R3HCC1L: variants seen among roughly 807,000 people sequenced by gnomAD.
The protein encoded by R3HCC1L is R3H domain and coiled-coil containing 1 like.
A neutral mutation model predicts 59.9 loss-of-function variants in R3HCC1L; 51 were observed. The ratio of observed to expected loss-of-function variants is 0.85; its 90% CI spans 0.68 to 1.07. The LOEUF (loss-of-function observed/expected upper bound fraction) is 1.07. R3HCC1L is among the 50% of genes least tolerant of loss of function. The pLI, the probability that R3HCC1L is intolerant of heterozygous loss-of-function variation, is 0.00. For synonymous variants in R3HCC1L, 322 were observed against 315.2 expected, an observed-to-expected ratio of 1.02 and a Z score of -0.23; for missense variants, 965 against 933.0, an observed-to-expected ratio of 1.03 and a Z score of -0.45.
At chr10:98,212,353 G>A (rs950449726) in intron 5 of R3HCC1L, among the ~76,000 whole-genome samples, 2 of 152,152 alleles carry the variant, frequency 1.3e-5, no homozygotes, top group East Asian at 3.8e-4. Flanking sequence ...CCTGTTTCTT[G>A]ATTGATAGCA....
chr10:98,237,188 G>A (rs1857057591), intron 9 of R3HCC1L, among the ~76,000 whole-genome samples: 1 of 152,186 alleles, frequency 6.6e-6, no homozygotes. Flanking sequence ...TAATGAGGCA[G>A]TTTCCATGTT....
At position 98,150,213 on chromosome 10, in the gene R3HCC1L, G is replaced by C. The variant is rs191860545; in HGVS notation, c.-267-5880G>C. Among the ~76,000 whole-genome samples the C allele has an allele frequency of 1.4e-4, 21 of 152,174 alleles. No homozygotes were observed. In the East Asian group the frequency reaches 4.1e-3, roughly 29 times the overall value. On this transcript the variant is annotated intron_variant, in intron 1 of 9. Coordinates refer to ENST00000298999, the MANE Select transcript of R3HCC1L (RefSeq NM_001351015.2). ...TGAATTGCTTTTCTGTGTTATCTTG[G>C]TGATCACTGAATTCACTTAAAATGG...
chr10:98,167,261 T>A (rs532274248), intron 4 of R3HCC1L, among the ~76,000 whole-genome samples: 2 of 152,346 alleles, frequency 1.3e-5, no homozygotes, highest in Admixed American at 1.3e-4. Context: ...TTATTTGTTA[T>A]TCTTGGAACT....
At chr10:98,217,973 A>G (rs1854413157) in intron 5 of R3HCC1L, among the ~76,000 whole-genome samples, 2 of 151,712 alleles carry the variant, frequency 1.3e-5, no homozygotes, top group African/African-American at 4.8e-5. Context: ...ATACAGTTTG[A>G]CTTCCTCTTT....
At chr10:98,202,787 C>T (rs1011166014) in intron 4 of R3HCC1L, among the ~76,000 whole-genome samples, 3 of 150,828 alleles carry the variant, frequency 2.0e-5, no homozygotes, top group South Asian at 2.1e-4. Context: ...ACCTGCGAGG[C>T]GGAGGTTACA....
At chr10:98,215,955 A>G (rs1483628205) in intron 5 of R3HCC1L, among the ~76,000 whole-genome samples, 2 of 152,240 alleles carry the variant, frequency 1.3e-5, no homozygotes, top group South Asian at 4.1e-4. Flanking sequence ...TTGAAGCTGG[A>G]TCTTGGGAGA....
At chr10:98,187,141 C>T (rs899544096) in intron 4 of R3HCC1L, among the ~76,000 whole-genome samples, 2 of 152,066 alleles carry the variant, frequency 1.3e-5, no homozygotes, top group Non-Finnish European at 2.9e-5. Flanking sequence ...TTTGTTAAAT[C>T]CAACATACTA....
At chr10:98,183,291 A>G (rs1008646125) in intron 4 of R3HCC1L, among the ~76,000 whole-genome samples, 1 of 149,704 alleles carries the variant, frequency 6.7e-6, no homozygotes. Flanking sequence ...CTGACTTTCA[A>G]AATTTCTGAA....
At chr10:98,173,915 G>A (rs560578938) in intron 4 of R3HCC1L, among the ~76,000 whole-genome samples, 1 of 152,290 alleles carries the variant, frequency 6.6e-6, no homozygotes, top group South Asian at 2.1e-4. Context: ...TTTACATGGG[G>A]CAGAGAAGTG....
At chr10:98,220,873 T>C (rs1347038413) in intron 5 of R3HCC1L, among the ~76,000 whole-genome samples, 6 of 146,782 alleles carry the variant, frequency 4.1e-5, no homozygotes, top group African/African-American at 1.5e-4. Context: ...GCATGATTTA[T>C]AGTCCTTTGG....
At chr10:98,196,207 A>G (rs146018794) in intron 4 of R3HCC1L, among the ~76,000 whole-genome samples, 1 of 152,240 alleles carries the variant, frequency 6.6e-6, no homozygotes, top group Non-Finnish European at 1.5e-5. Flanking sequence ...TTATTTATCT[A>G]TGCCTTTATT....
intron 1 of R3HCC1L, among the ~76,000 whole-genome samples, chr10:98,143,538 G>T (rs75950859): frequency 1.3e-5 from 2 of 152,060 alleles, no homozygotes; most frequent in African/African-American, 4.8e-5. Context: ...CATGTTTCTT[G>T]TTTGCTTCCT....
At chr10:98,180,050 A>G (rs1023771460) in intron 4 of R3HCC1L, among the ~76,000 whole-genome samples, 4 of 151,896 alleles carry the variant, frequency 2.6e-5, no homozygotes, top group East Asian at 1.9e-4. Context: ...TTGTGTCTCT[A>G]TTTCCTTCAG....
rs1454921302 is a variant in R3HCC1L, at chr10:98,217,905, G to A, written c.1785+8006G>A. 2.6e-5 allele frequency among the ~76,000 whole-genome samples: 4 copies of A among 151,770 alleles called. No homozygotes were observed. The South Asian group carries it at 6.2e-4, about 24-fold the overall frequency. On this transcript the variant is annotated intron_variant, in intron 5 of 9. Transcript: ENST00000298999. ...TTTACTGAATTTCTTTATCAGTTCTGAGAGTTTTTTGGTGGAGTCATTAGA... is the reference window on the plus strand; with the variant it reads ...TTTACTGAATTTCTTTATCAGTTCTAAGAGTTTTTTGGTGGAGTCATTAGA...
At chr10:98,187,229 A>G (rs1850308816) in intron 4 of R3HCC1L, among the ~76,000 whole-genome samples, 1 of 151,598 alleles carries the variant, frequency 6.6e-6, no homozygotes, top group African/African-American at 2.4e-5. Flanking sequence ...GAATATTTGC[A>G]TTATATTTAA....
intron 5 of R3HCC1L, among the ~76,000 whole-genome samples, chr10:98,225,341 A>G (rs1855550677): frequency 6.6e-6 from 1 of 152,000 alleles, no homozygotes; most frequent in Non-Finnish European, 1.5e-5. Flanking sequence ...TCTTCATCCC[A>G]TGTTATCCTC....
intron 5 of R3HCC1L, among the ~76,000 whole-genome samples, chr10:98,214,325 T>C (rs7906993): frequency 0.18 from 27,966 of 152,092 alleles, 2,713 homozygotes; most frequent in Middle Eastern, 0.21. Flanking sequence ...GTGAATTCCA[T>C]GAGATATGGC....
chr10:98,178,890 T>G (rs1849332110), intron 4 of R3HCC1L, among the ~76,000 whole-genome samples: 1 of 152,212 alleles, frequency 6.6e-6, no homozygotes, highest in Non-Finnish European at 1.5e-5. Flanking sequence ...GTAGGAATGC[T>G]TGTGATTTTT....
At chr10:98,147,739 G>C (rs1237976943) in intron 1 of R3HCC1L, among the ~76,000 whole-genome samples, 1 of 151,982 alleles carries the variant, frequency 6.6e-6, no homozygotes, top group African/African-American at 2.4e-5. Context: ...ATTTATATTT[G>C]GATTCTCTAT....
Sources: allele counts gnomAD v4.1 joint callset (sites outside exome capture counted in the v4.1 genomes callset), GRCh38; gene constraint gnomAD v4.1.1; transcripts MANE v1.5; gene names NCBI Gene and HGNC (gene_info 2026-07-23, HGNC 2026-07-21).